The following FILIP1L variants were observed in gnomAD, a reference collection of about 807,000 sequenced individuals.
FILIP1L encodes filamin A-interacting protein 1-like.
Under a neutral mutation model 96.6 loss-of-function variants are expected in FILIP1L, and 55 were observed. The ratio of observed to expected loss-of-function variants is 0.57; its 90% CI spans 0.46 to 0.71. The LOEUF is 0.71. Among genes scored for constraint, FILIP1L ranks in the 30% least tolerant of loss-of-function variants. The pLI, the probability that FILIP1L is intolerant of heterozygous loss-of-function variation, is 0.00. For synonymous variants in FILIP1L, 467 were observed against 473.9 expected (o/e 0.99, Z 0.19); for missense variants, 1,304 against 1,321.2 (o/e 0.99, Z 0.20).
chr3:100,081,862 G>T (rs1371809829), intron 1 of FILIP1L, among the ~76,000 whole-genome samples: 1 of 152,092 alleles, frequency 6.6e-6, no homozygotes, highest in Non-Finnish European at 1.5e-5. Flanking sequence ...AGCATCCTTG[G>T]CCTCTACCAT....
chr3:99,876,921 T>C (rs1705554740), intron 4 of FILIP1L, among the ~76,000 whole-genome samples: 1 of 152,234 alleles, frequency 6.6e-6, no homozygotes, highest in Non-Finnish European at 1.5e-5. Context: ...AGACAATGTA[T>C]AAAATTAGAA....
Position 99,850,622 on chromosome 3 carries a change from G to A in FILIP1L, c.1054C>T (p.Gln352Ter), listed in dbSNP as rs1383086098. The A allele has an allele frequency of 6.2e-7, 1 of 1,613,672 alleles. No homozygotes were observed. Among genetic ancestry groups the A allele is most frequent in the Admixed American group, 1.7e-5 (1 of 59,986 alleles). ...TTACTGATTTTTTCTTTTATATCTT[G>A]CAGCTCCTCTTCTGCTTTTCGTAAA... is the stretch of plus-strand genomic sequence containing the variant. ...RSLRKAEEEL[Q>*]DIKEKISKGE... Residue 352 changes from glutamine (Q) to a stop codon, truncating the protein, a stop_gained, in exon 5 of 6, where the codon CAA becomes TAA. Coordinates refer to ENST00000477258, the MANE Select transcript of FILIP1L (RefSeq NM_001387850.1). LOFTEE classifies it high-confidence loss of function.
intron 1 of FILIP1L, among the ~76,000 whole-genome samples, chr3:99,983,464 G>GTA (rs1191587665): frequency 1.2e-3 from 15 of 12,684 alleles, no homozygotes; most frequent in Admixed American, 4.4e-3. Flanking sequence ...ATATATGTGT[G>GTA]TATATATATA....
intron 4 of FILIP1L, among the ~76,000 whole-genome samples, chr3:99,869,953 C>T (rs1287753253): frequency 1.3e-5 from 2 of 152,126 alleles, no homozygotes; most frequent in Non-Finnish European, 2.9e-5. Context: ...CTCTCACAGG[C>T]CCAAGTGCTA....
intron 1 of FILIP1L, among the ~76,000 whole-genome samples, chr3:99,989,565 T>G (rs962195990): frequency 6.6e-6 from 1 of 152,168 alleles, no homozygotes; most frequent in Non-Finnish European, 1.5e-5. Context: ...GTTTCACTGC[T>G]CTTGCAAGCT....
At chr3:99,973,315 T>C (rs1576611662) in intron 1 of FILIP1L, among the ~76,000 whole-genome samples, 1 of 152,240 alleles carries the variant, frequency 6.6e-6, no homozygotes, top group Admixed American at 6.5e-5. Flanking sequence ...ATAAGAACAC[T>C]GATTTTCTGT....
chr3:99,917,530 G>A (rs937783606), intron 4 of FILIP1L, among the ~76,000 whole-genome samples: 1 of 152,064 alleles, frequency 6.6e-6, no homozygotes, highest in Non-Finnish European at 1.5e-5. Context: ...GGCTTGAGAG[G>A]CCTCACTTTT....
At chr3:100,011,253 T>C (rs1710148116) in intron 1 of FILIP1L, among the ~76,000 whole-genome samples, 1 of 152,170 alleles carries the variant, frequency 6.6e-6, no homozygotes, top group Non-Finnish European at 1.5e-5. Flanking sequence ...GAATTCTTTT[T>C]TCCTCAGGGA....
At chr3:100,010,751 ATTACAG>A (rs1260965230) in intron 1 of FILIP1L, among the ~76,000 whole-genome samples, 1 of 142,722 alleles carries the variant, frequency 7.0e-6, no homozygotes, top group Non-Finnish European at 1.5e-5. Context: ...AGTAGCTGGG[ATTACAG>A]GTGCGCGCCT....
At chr3:99,957,693 C>CTTTTTTTTTTTTTTT (rs779350496) in intron 1 of FILIP1L, among the ~76,000 whole-genome samples, 265 of 19,858 alleles carry the variant, frequency 0.013, 53 homozygotes, top group Middle Eastern at 0.062. Flanking sequence ...TTCTTTCTTT[C>CTTTTTTTTTTTTTTT]TTTTTTTTTT....
chr3:99,995,478 G>A (rs1419696505), intron 1 of FILIP1L, among the ~76,000 whole-genome samples: 2 of 152,192 alleles, frequency 1.3e-5, no homozygotes, highest in Non-Finnish European at 2.9e-5. Flanking sequence ...CAAGCTGTTG[G>A]TGGATCTTCC....
chr3:99,840,648 C>T (rs1287734676), intron 5 of FILIP1L, among the ~76,000 whole-genome samples: 1 of 152,144 alleles, frequency 6.6e-6, no homozygotes, highest in Non-Finnish European at 1.5e-5. Context: ...TATGCTCCAA[C>T]TTTATTTCCC....
rs759303833 is a variant in FILIP1L, at chr3:99,848,520, T to TGA, written c.3154_3155dup (p.Ser1053GlnfsTer3). The TGA allele has an allele frequency of 6.2e-7, 1 of 1,614,214 alleles. No individual in the cohort carries two copies. Among genetic ancestry groups the TGA allele is most frequent in the Non-Finnish European group, 8.5e-7 (1 of 1,180,020 alleles). On this transcript the variant is annotated frameshift_variant, in exon 5 of 6. Transcript: ENST00000477258. LOFTEE classifies it high-confidence loss of function. Reference sequence around the variant, plus strand: ...TATTATCCTCAGTAGTTATCACACTTGAGCTATTGCTGTTTGAACGCTGAA... The same window carrying TGA: ...TATTATCCTCAGTAGTTATCACACTTGAGAGCTATTGCTGTTTGAACGCTGAA...
At chr3:99,990,630 GA>G in intron 1 of FILIP1L, among the ~76,000 whole-genome samples, 1 of 152,160 alleles carries the variant, frequency 6.6e-6, no homozygotes, top group African/African-American at 2.4e-5. Flanking sequence ...AATTAAATCA[GA>G]ATCTTAGAGA....
intron 1 of FILIP1L, among the ~76,000 whole-genome samples, chr3:99,934,391 T>G (rs768495475): frequency 8.5e-5 from 13 of 152,218 alleles, no homozygotes; most frequent in Non-Finnish European, 1.6e-4. Flanking sequence ...GGTTCTTTAC[T>G]TCTTTTCATT....
chr3:99,998,431 A>T (rs1576630456), intron 1 of FILIP1L, among the ~76,000 whole-genome samples: 1 of 152,218 alleles, frequency 6.6e-6, no homozygotes, highest in African/African-American at 2.4e-5. Context: ...TAAACTATAT[A>T]TACGTACTCA....
intron 1 of FILIP1L, among the ~76,000 whole-genome samples, chr3:100,107,487 C>T (rs1269738165): frequency 3.3e-5 from 5 of 152,208 alleles, no homozygotes; most frequent in South Asian, 4.1e-4. Flanking sequence ...GCTTTCCTTC[C>T]GCACATTTGG....
intron 1 of FILIP1L, among the ~76,000 whole-genome samples, chr3:99,988,529 AAG>A (rs1288072786): frequency 7.4e-5 from 11 of 148,496 alleles, no homozygotes; most frequent in African/African-American, 2.5e-4. Flanking sequence ...AAAAAAAAAA[AAG>A]AAAGAAAAGG....
chr3:99,976,832 A>G (rs1262809050), intron 1 of FILIP1L, among the ~76,000 whole-genome samples: 2 of 151,956 alleles, frequency 1.3e-5, no homozygotes, highest in Non-Finnish European at 2.9e-5. Flanking sequence ...CTCTTCAAAT[A>G]TTTCTTCTGT....
Sources: allele counts gnomAD v4.1 joint callset (sites outside exome capture counted in the v4.1 genomes callset), GRCh38; gene constraint gnomAD v4.1.1; transcripts MANE v1.5; gene names NCBI Gene and HGNC (gene_info 2026-07-23, HGNC 2026-07-21).